ASH1L: variants seen among roughly 807,000 people sequenced by gnomAD.
ASH1L encodes the protein ASH1 like histone lysine methyltransferase.
A neutral mutation model predicts 269.0 loss-of-function variants in ASH1L; 23 were observed. That is an observed-to-expected ratio of 0.09 (90% CI 0.06 to 0.12). The LOEUF (loss-of-function observed/expected upper bound fraction) is 0.12. Among genes scored for constraint, ASH1L ranks in the 10% least tolerant of loss-of-function variants. ASH1L has a pLI of 1.00. For synonymous variants in ASH1L, 1,187 were observed against 1,253.5 expected (o/e 0.95, Z 1.12); for missense variants, 2,912 against 3,567.8 (o/e 0.82, Z 4.68).
chr1:155,540,303 A>G (rs951284582), intron 1 of ASH1L, among the ~76,000 whole-genome samples: 5 of 152,194 alleles, frequency 3.3e-5, no homozygotes, highest in Admixed American at 1.3e-4. Context: ...TCAAATGTGA[A>G]TAGAAATTGT....
Position 155,370,595 on chromosome 1 carries a change from C to T in ASH1L, c.6595G>A (p.Asp2199Asn), listed in dbSNP as rs769533566. ...TAACTGTCAATCACCATCCCACTATCCAGGTTCAGGCAGTAGTGGTCACTG... is the reference window on the plus strand; with the variant it reads ...TAACTGTCAATCACCATCCCACTATTCAGGTTCAGGCAGTAGTGGTCACTG... ...NHSDHYCLNL[D>N]SGMVIDSYRM... Residue 2199 changes from aspartate to asparagine, a missense_variant, in exon 12 of 28, where the codon GAT becomes AAT. Asp to Asn is a conservative substitution (Grantham distance 23). This residue lies in a region of ASH1L where 193 missense variants were observed against 311.6 expected (regional missense o/e 0.62). Coordinates refer to ENST00000392403, the MANE Select transcript of ASH1L (RefSeq NM_018489.3). 4 of 1,614,138 alleles carry T rather than the reference C, an allele frequency of 2.5e-6. No individual in the cohort carries two copies. The South Asian group carries it at 4.4e-5, about 18-fold the overall frequency.
intron 2 of ASH1L, among the ~76,000 whole-genome samples, chr1:155,487,523 G>A (rs1246717861): frequency 1.3e-5 from 2 of 152,008 alleles, no homozygotes; most frequent in Non-Finnish European, 2.9e-5. Context: ...AAGCCACCAT[G>A]TCTGGCTAAT....
chr1:155,400,795 CAT>C (rs1451067460), intron 6 of ASH1L, among the ~76,000 whole-genome samples: 2 of 152,308 alleles, frequency 1.3e-5, no homozygotes, highest in East Asian at 3.9e-4. Context: ...TTTAGATAAA[CAT>C]AAATTTACAT....
At chr1:155,426,226 G>T (rs1409929768) in intron 5 of ASH1L, among the ~76,000 whole-genome samples, 1 of 151,752 alleles carries the variant, frequency 6.6e-6, no homozygotes, top group South Asian at 2.1e-4. Context: ...CATCATGCCC[G>T]GCTAATTTTT....
chr1:155,355,334 G>A (rs1654284576), intron 15 of ASH1L, among the ~76,000 whole-genome samples: 1 of 152,202 alleles, frequency 6.6e-6, no homozygotes, highest in Non-Finnish European at 1.5e-5. Context: ...TACAGTGGTG[G>A]CGTGAGCCAC....
At chr1:155,405,025 TA>T (rs1489099599) in intron 6 of ASH1L, among the ~76,000 whole-genome samples, 2 of 150,088 alleles carry the variant, frequency 1.3e-5, no homozygotes, top group Admixed American at 1.3e-4. Flanking sequence ...AGACTCCATC[TA>T]AAAAAAAATA....
At chr1:155,422,536 G>C (rs1660785084) in intron 5 of ASH1L, among the ~76,000 whole-genome samples, 1 of 151,680 alleles carries the variant, frequency 6.6e-6, no homozygotes, top group African/African-American at 2.4e-5. Context: ...GGGATTACAG[G>C]CATGAGCCAC....
At chr1:155,514,158 G>A (rs1313242965) in intron 2 of ASH1L, among the ~76,000 whole-genome samples, 2 of 152,276 alleles carry the variant, frequency 1.3e-5, no homozygotes, top group Middle Eastern at 3.4e-3. Context: ...AGAATGAAGA[G>A]TTAATAGAGT....
At chr1:155,433,369 C>A (rs751094193) in intron 5 of ASH1L, 4 of 1,595,500 alleles carry the variant, frequency 2.5e-6, no homozygotes, top group Middle Eastern at 1.7e-4. Flanking sequence ...TTCCCCCATG[C>A]CCCCCGCTGT....
At chr1:155,409,499 GT>G (rs1659581820) in intron 6 of ASH1L, among the ~76,000 whole-genome samples, 1 of 152,162 alleles carries the variant, frequency 6.6e-6, no homozygotes. Context: ...AAAAGACTTG[GT>G]GGATACCACC....
chr1:155,466,170 C>T (rs1006353407), intron 3 of ASH1L, among the ~76,000 whole-genome samples: 1 of 151,966 alleles, frequency 6.6e-6, no homozygotes, highest in South Asian at 2.1e-4. Flanking sequence ...TTGGCTAACA[C>T]GGTGAAACCC....
At chr1:155,474,832 CCAT>C (rs1665411299) in intron 3 of ASH1L, among the ~76,000 whole-genome samples, 1 of 152,208 alleles carries the variant, frequency 6.6e-6, no homozygotes, top group South Asian at 2.1e-4. Context: ...AATCTAAGCA[CCAT>C]CATGTTATCT....
chr1:155,369,603 A>T (rs903766351), intron 12 of ASH1L, among the ~76,000 whole-genome samples: 1 of 152,082 alleles, frequency 6.6e-6, no homozygotes, highest in Admixed American at 6.6e-5. Context: ...ATTAGATGCT[A>T]ATCTATTTGA....
chr1:155,370,684 A>T (rs780666527), intron 11 of ASH1L, 34 bp from the exon 12 acceptor site: 5 of 1,612,826 alleles, frequency 3.1e-6, no homozygotes, highest in Non-Finnish European at 2.5e-6. Flanking sequence ...AAGACAATTA[A>T]AGAGTAGCTG....
At chr1:155,540,422 C>G (rs768296771) in intron 1 of ASH1L, among the ~76,000 whole-genome samples, 13 of 152,184 alleles carry the variant, frequency 8.5e-5, no homozygotes, top group African/African-American at 3.1e-4. Flanking sequence ...TCTGGCCTCA[C>G]CATTCCCCAC....
intron 7 of ASH1L, among the ~76,000 whole-genome samples, chr1:155,382,390 C>T (rs560786068): frequency 5.3e-5 from 8 of 152,132 alleles, no homozygotes; most frequent in South Asian, 4.2e-4. Context: ...CCCAGCTACT[C>T]GGGAGGCTGA....
chr1:155,478,702 G>A lies in ASH1L; in HGVS notation c.4168C>T (p.Pro1390Ser), dbSNP rs776623266. The stretch of plus-strand genomic sequence containing the variant: ...AATCCTATGGGAGCAGCTGTAAGGG[G>A]TGAAGGAGAGTAAGGCATACCATAA... The part of the protein sequence containing the change: ...PSYGMPYSPS[P>S]LTAAPIGLGY... The change falls in exon 3 of 28, where the codon CCC (proline) becomes TCC (serine). Residue 1390 changes from proline to serine, a missense_variant. Physicochemically the swap from Pro to Ser is moderately conservative, Grantham distance 74 (BLOSUM62 -1). Transcript: ENST00000392403. The surrounding 1 kb of genome is among the most constrained non-coding windows in gnomAD (Gnocchi z 4.6). 2.5e-6 allele frequency: 4 copies of A among 1,614,038 alleles called. No homozygotes were observed. The highest frequency in any genetic ancestry group is 3.4e-6 in the Non-Finnish European group (4 of 1,180,018).
At chr1:155,417,951 T>A (rs964329028) in intron 5 of ASH1L, among the ~76,000 whole-genome samples, 1 of 141,568 alleles carries the variant, frequency 7.1e-6, no homozygotes. Context: ...AGAGCAAAAC[T>A]CCGTCTCAAA....
intron 6 of ASH1L, among the ~76,000 whole-genome samples, chr1:155,410,496 G>A (rs1040102505): frequency 2.0e-5 from 3 of 152,044 alleles, no homozygotes; most frequent in African/African-American, 4.8e-5. Flanking sequence ...CAGAGACAGG[G>A]TTGTGTCATG....
Sources: gnomAD v4.1 joint callset for allele counts (sites outside exome capture counted in the v4.1 genomes callset) on GRCh38, gnomAD v4.1.1 for gene constraint, gnomAD v4.1.1 regional missense constraint, Gnocchi (gnomAD v3.1) non-coding constraint, MANE v1.5 for transcripts, NCBI Gene and HGNC (gene_info 2026-07-23, HGNC 2026-07-21) for gene names.